The following MSRA variants were observed in gnomAD, a reference collection of about 807,000 sequenced individuals.
MSRA encodes the protein mitochondrial peptide methionine sulfoxide reductase.
Under a neutral mutation model 31.3 loss-of-function variants are expected in MSRA, and 54 were observed. The ratio of observed to expected loss-of-function variants is 1.73; its 90% CI spans 1.39 to 2.17. The LOEUF (loss-of-function observed/expected upper bound fraction) is 2.17. Among genes scored for constraint, MSRA ranks in the 30% most tolerant of loss-of-function variants. The probability of loss-of-function intolerance (pLI) is 0.00; values close to 1 mark genes in which losing one functional copy is unlikely to be tolerated. For synonymous variants in MSRA, 169 were observed against 116.5 expected, an observed-to-expected ratio of 1.45 and a Z score of -2.90; for missense variants, 507 against 300.9, an observed-to-expected ratio of 1.69 and a Z score of -5.07.
chr8:10,327,814 T>A (rs1004094921), intron 5 of MSRA, among the ~76,000 whole-genome samples: 1 of 151,974 alleles, frequency 6.6e-6, no homozygotes, highest in Non-Finnish European at 1.5e-5. Flanking sequence ...GCGCCTGTAG[T>A]CCCAGCTACT....
intron 1 of MSRA, among the ~76,000 whole-genome samples, chr8:10,165,563 C>G (rs550814590): frequency 6.6e-6 from 1 of 152,156 alleles, no homozygotes; most frequent in Non-Finnish European, 1.5e-5. Context: ...ACCTGGGTCA[C>G]CTGCCAGAAA....
At chr8:10,344,435 G>A (rs191887404) in intron 5 of MSRA, among the ~76,000 whole-genome samples, 27 of 151,970 alleles carry the variant, frequency 1.8e-4, no homozygotes, top group Admixed American at 9.8e-4. Context: ...TTAGACAGGC[G>A]TGGTGGTGGG....
At chr8:10,280,269 CT>C (rs1406181971) in intron 3 of MSRA, among the ~76,000 whole-genome samples, 6 of 152,056 alleles carry the variant, frequency 3.9e-5, no homozygotes, top group South Asian at 2.1e-4. Context: ...TTTTGCCCCC[CT>C]CTTTTAGTTC....
chr8:10,349,221 T>G (rs893103021), intron 5 of MSRA, among the ~76,000 whole-genome samples: 3 of 152,238 alleles, frequency 2.0e-5, no homozygotes, highest in African/African-American at 7.2e-5. Flanking sequence ...CTGGGTAGCA[T>G]CAACATTGAC....
At chr8:10,257,811 T>TTGAA (rs1205344688) in intron 3 of MSRA, among the ~76,000 whole-genome samples, 13 of 152,194 alleles carry the variant, frequency 8.5e-5, no homozygotes, top group Non-Finnish European at 1.8e-4. Context: ...ATTCACTCTC[T>TTGAA]TACCTAGGAT....
At chr8:10,299,047 C>A (rs1375356793) in intron 3 of MSRA, among the ~76,000 whole-genome samples, 1 of 152,182 alleles carries the variant, frequency 6.6e-6, no homozygotes, top group African/African-American at 2.4e-5. Flanking sequence ...GTATCCTCAA[C>A]AGCACTAAGA....
chr8:10,226,169 G>A (rs181507479), intron 2 of MSRA, among the ~76,000 whole-genome samples: 1 of 152,280 alleles, frequency 6.6e-6, no homozygotes, highest in Admixed American at 6.5e-5. Flanking sequence ...GTGACTATAG[G>A]GGAGGGGTCA....
chr8:10,083,356 A>G (rs188160872), intron 1 of MSRA, among the ~76,000 whole-genome samples: 93 of 152,354 alleles, frequency 6.1e-4, no homozygotes, highest in Non-Finnish European at 6.6e-4. Flanking sequence ...TACTGTTTTT[A>G]GATATGTGAC....
At chr8:10,096,301 G>T (rs1238227525) in intron 1 of MSRA, 1 of 1,118,770 alleles carries the variant, frequency 8.9e-7, no homozygotes, top group Non-Finnish European at 1.1e-6. Context: ...GACTTCGCTT[G>T]AAGGGCAAAC....
intron 1 of MSRA, among the ~76,000 whole-genome samples, chr8:10,185,104 G>A (rs1481856584): frequency 6.6e-6 from 1 of 152,120 alleles, no homozygotes; most frequent in East Asian, 1.9e-4. Flanking sequence ...AGGCTGAAGG[G>A]CTGCTGCTCC....
At chr8:10,375,840 G>A (rs923815263) in intron 5 of MSRA, among the ~76,000 whole-genome samples, 2 of 152,202 alleles carry the variant, frequency 1.3e-5, no homozygotes, top group African/African-American at 4.8e-5. Flanking sequence ...TGACTAGGTG[G>A]CTCTGAAGGA....
intron 1 of MSRA, among the ~76,000 whole-genome samples, chr8:10,154,502 T>A (rs1803985352): frequency 6.6e-6 from 1 of 152,028 alleles, no homozygotes; most frequent in Non-Finnish European, 1.5e-5. Context: ...CTCAGCCTCC[T>A]GAGTAGCTGG....
intron 5 of MSRA, among the ~76,000 whole-genome samples, chr8:10,352,491 G>A (rs975530803): frequency 7.2e-5 from 11 of 152,078 alleles, no homozygotes; most frequent in South Asian, 2.1e-4. Flanking sequence ...GCAGCATATC[G>A]GGTGTTACTT....
At chr8:10,208,255 G>A (rs1257917514) in intron 2 of MSRA, among the ~76,000 whole-genome samples, 7 of 151,864 alleles carry the variant, frequency 4.6e-5, no homozygotes, top group Non-Finnish European at 1.0e-4. Flanking sequence ...TTAAAGGCTG[G>A]AATTTAAGTA....
At chr8:10,366,161 C>T (rs1805153301) in intron 5 of MSRA, among the ~76,000 whole-genome samples, 1 of 152,246 alleles carries the variant, frequency 6.6e-6, no homozygotes, top group East Asian at 1.9e-4. Flanking sequence ...CAGATGGGCT[C>T]GGAGGAGACT....
At chr8:10,162,096 G>A (rs1313237286) in intron 1 of MSRA, among the ~76,000 whole-genome samples, 1 of 152,182 alleles carries the variant, frequency 6.6e-6, no homozygotes. Context: ...GAATTCCGAT[G>A]GGAGGTGATT....
chr8:10,223,933 G>A lies in MSRA; in HGVS notation c.211+16032G>A, dbSNP rs566624489. 3.9e-5 allele frequency among the ~76,000 whole-genome samples: 6 copies of A among 152,238 alleles called. No individual in the cohort carries two copies. The South Asian group carries it at 1.2e-3, about 32-fold the overall frequency. On this transcript the variant is annotated intron_variant, in intron 2 of 5. Transcript: ENST00000317173. ...GTTTTGGTGACAGTGTGTTCAGATGGAATACTCACAGACTTGGACTCACAC... is the reference window on the plus strand; with the variant it reads ...GTTTTGGTGACAGTGTGTTCAGATGAAATACTCACAGACTTGGACTCACAC...
At chr8:10,219,123 C>A (rs972205645) in intron 2 of MSRA, among the ~76,000 whole-genome samples, 3 of 152,220 alleles carry the variant, frequency 2.0e-5, no homozygotes, top group Non-Finnish European at 4.4e-5. Flanking sequence ...GCAATGCCTT[C>A]AAACTGTTGA....
chr8:10,311,550 A>T (rs974935100), intron 4 of MSRA, among the ~76,000 whole-genome samples: 14 of 152,342 alleles, frequency 9.2e-5, no homozygotes, highest in African/African-American at 2.6e-4. Context: ...AAAGGGATTA[A>T]AATCATGTAG....
Sources: gnomAD v4.1 joint callset for allele counts (sites outside exome capture counted in the v4.1 genomes callset) on GRCh38, gnomAD v4.1.1 for gene constraint, MANE v1.5 for transcripts, NCBI Gene and HGNC (gene_info 2026-07-23, HGNC 2026-07-21) for gene names.